FAM151B: variants seen among roughly 807,000 people sequenced by gnomAD.
FAM151B encodes the protein protein FAM151B.
In FAM151B, 24 loss-of-function variants were observed where a neutral mutation model predicts 31.2. That is an observed-to-expected ratio of 0.77 (90% CI 0.56 to 1.08). FAM151B has a LOEUF of 1.08. FAM151B is among the 50% of genes least tolerant of loss of function. The pLI, the probability that FAM151B is intolerant of heterozygous loss-of-function variation, is 0.00. For synonymous variants in FAM151B, 105 were observed against 111.4 expected (o/e 0.94, Z 0.36); for missense variants, 293 against 328.6 (o/e 0.89, Z 0.84).
intron 5 of FAM151B, among the ~76,000 whole-genome samples, chr5:80,535,654 G>A (rs573816478): frequency 4.6e-5 from 7 of 152,264 alleles, no homozygotes; most frequent in African/African-American, 1.2e-4. Context: ...AAACATTGGG[G>A]AAACCCTTGA....
intron 1 of FAM151B, among the ~76,000 whole-genome samples, chr5:80,497,742 G>GTT (rs1445025916): frequency 6.7e-6 from 1 of 148,758 alleles, no homozygotes; most frequent in African/African-American, 2.5e-5. Context: ...AGTATGTTTA[G>GTT]TTGAAAAGTG....
Position 80,504,255 on chromosome 5 carries a change from G to T in FAM151B, c.151+2338G>T, listed in dbSNP as rs138402419. Among the ~76,000 whole-genome samples the T allele has an allele frequency of 2.6e-5, 4 of 151,950 alleles. No homozygotes were observed. The South Asian group carries it at 6.2e-4, about 24-fold the overall frequency. ...TTTTTTCGCTCCTTTCTTTATTCTT[G>T]TATCTAATATCCAATCATTATGATT... On this transcript the variant is annotated intron_variant, in intron 2 of 5. Transcript: ENST00000282226.
chr5:80,495,136 C>T (rs1743482473), intron 1 of FAM151B: 2 of 152,134 alleles, frequency 1.3e-5, no homozygotes, highest in Non-Finnish European at 2.9e-5. Flanking sequence ...TGGGGACCTG[C>T]TGCTCAGGAA....
intron 5 of FAM151B, among the ~76,000 whole-genome samples, chr5:80,540,132 T>C (rs1745812104): frequency 6.6e-6 from 1 of 152,074 alleles, no homozygotes; most frequent in Non-Finnish European, 1.5e-5. Flanking sequence ...ATTACAACAA[T>C]ACCCTTTTTC....
At chr5:80,506,509 T>C (rs966869370) in intron 2 of FAM151B, among the ~76,000 whole-genome samples, 5 of 152,208 alleles carry the variant, frequency 3.3e-5, no homozygotes, top group African/African-American at 1.2e-4. Flanking sequence ...TCTGAATTTC[T>C]ATTTATTTGC....
intron 2 of FAM151B, among the ~76,000 whole-genome samples, chr5:80,511,836 A>G (rs1263256977): frequency 6.6e-6 from 1 of 152,030 alleles, no homozygotes; most frequent in Non-Finnish European, 1.5e-5. Flanking sequence ...CAAACTCCTG[A>G]CCTCAGGTGA....
rs371285111 is a variant in FAM151B at position 80,538,513 on chromosome 5, T to C, written c.672-3160T>C. The stretch of plus-strand genomic sequence containing the variant: ...TTCCTTCCTTCCTTTCTTTTCTTTC[T>C]TTCCTTCCTTCCTTCCTTCCTTCCT... On this transcript the variant is annotated intron_variant, in intron 5 of 5. Transcript: ENST00000282226. Among the ~76,000 whole-genome samples, 341 of 61,458 alleles carry C rather than the reference T, an allele frequency of 5.5e-3. 15 individuals carry two copies. Among genetic ancestry groups the C allele is most frequent in the African/African-American group, 0.016 (238 of 15,066 alleles). 40.3% of individuals were successfully genotyped at this position (61,458 alleles called of 152,430 possible).
chr5:80,511,260 C>T (rs1342373681), intron 2 of FAM151B, among the ~76,000 whole-genome samples: 1 of 151,720 alleles, frequency 6.6e-6, no homozygotes, highest in African/African-American at 2.4e-5. Context: ...TCATTTGAGT[C>T]CAGGAGTTTG....
intron 1 of FAM151B, among the ~76,000 whole-genome samples, chr5:80,495,993 A>G: frequency 6.6e-6 from 1 of 152,182 alleles, no homozygotes; most frequent in Non-Finnish European, 1.5e-5. Flanking sequence ...TTGAGATGTA[A>G]TCTACTTCTG....
intron 1 of FAM151B, chr5:80,498,943 A>G (rs1007990102): frequency 6.8e-5 from 17 of 249,588 alleles, no homozygotes; most frequent in Middle Eastern, 2.0e-3. Context: ...CCTTGAGGGT[A>G]GTGGTCTTCC....
At position 80,513,677 on chromosome 5, in the gene FAM151B, C is replaced by T. The variant is rs1744288398; in HGVS notation, c.225C>T (p.Ala75=). Residue 75 remains alanine (A), a synonymous_variant, in exon 3 of 6, where the codon GCC becomes GCT. Transcript: ENST00000282226. Reference sequence around the variant, plus strand: ...CAGAACACAGCCAGCCAATTATGGCCCATCCCCCTGAAACAAACAGTGATA... The same window carrying T: ...CAGAACACAGCCAGCCAATTATGGCTCATCCCCCTGAAACAAACAGTGATA... ...DGSEHSQPIM[A]HPPETNSDNT... is the part of the protein sequence containing the mutation. 2 of 1,613,934 alleles carry T rather than the reference C, an allele frequency of 1.2e-6. No individual in the cohort carries two copies. The highest frequency in any genetic ancestry group is 1.3e-5 in the African/African-American group (1 of 74,894).
chr5:80,511,216 A>G (rs1457966943), intron 2 of FAM151B: 1 of 152,132 alleles, frequency 6.6e-6, no homozygotes, highest in Non-Finnish European at 1.5e-5. Context: ...TCTCACCTGG[A>G]ATCTTAGCAC....
intron 5 of FAM151B, 86 bp downstream of exon 5, chr5:80,522,224 G>A: frequency 7.4e-7 from 1 of 1,358,070 alleles, no homozygotes; most frequent in East Asian, 2.4e-5. Context: ...TTTAAAGACA[G>A]TGTGTGTGAG....
At chr5:80,497,175 C>G (rs955928771) in intron 1 of FAM151B, among the ~76,000 whole-genome samples, 1 of 151,648 alleles carries the variant, frequency 6.6e-6, no homozygotes, top group East Asian at 2.0e-4. Context: ...CCTATAATCT[C>G]AGCACTTTGG....
At chr5:80,489,700 G>A (rs540395782) in intron 1 of FAM151B, among the ~76,000 whole-genome samples, 27 of 152,264 alleles carry the variant, frequency 1.8e-4, no homozygotes, top group Admixed American at 1.4e-3. Flanking sequence ...CGAGGTGGGC[G>A]GATCACGAGG....
chr5:80,508,978 A>AT (rs371498972), intron 2 of FAM151B, among the ~76,000 whole-genome samples: 2,673 of 148,318 alleles, frequency 0.018, 32 homozygotes, highest in Middle Eastern at 0.073. Context: ...TCATGTTGAA[A>AT]TTTTTTTTTT....
At chr5:80,494,080 C>T (rs536008528) in intron 1 of FAM151B, among the ~76,000 whole-genome samples, 88 of 152,266 alleles carry the variant, frequency 5.8e-4, no homozygotes, top group African/African-American at 1.9e-3. Context: ...TAGAAAAGAA[C>T]GTACGTTGAA....
At chr5:80,520,138 T>C (rs1744638042) in intron 4 of FAM151B, among the ~76,000 whole-genome samples, 1 of 152,196 alleles carries the variant, frequency 6.6e-6, no homozygotes, top group Non-Finnish European at 1.5e-5. Flanking sequence ...TTTATAGTCA[T>C]ATAAGTAAAG....
At chr5:80,538,243 A>AT (rs1462023280) in intron 5 of FAM151B, among the ~76,000 whole-genome samples, 1 of 151,584 alleles carries the variant, frequency 6.6e-6, no homozygotes, top group African/African-American at 2.4e-5. Context: ...AATTTGTTGT[A>AT]TTTTTAGTGG....
Sources: allele counts gnomAD v4.1 joint callset (sites outside exome capture counted in the v4.1 genomes callset), GRCh38; gene constraint gnomAD v4.1.1; transcripts MANE v1.5; gene names NCBI Gene and HGNC (gene_info 2026-07-23, HGNC 2026-07-21).